CDH12: variants seen among roughly 807,000 people sequenced by gnomAD.
CDH12 encodes cadherin-12.
CDH12 carries 41 observed loss-of-function variants against 74.1 expected under a neutral mutation model. That is an observed-to-expected ratio of 0.55 (90% confidence interval 0.43 to 0.72). The LOEUF (loss-of-function observed/expected upper bound fraction) is 0.72, where lower values mean the gene tolerates loss of function less well. Among genes scored for constraint, CDH12 ranks in the 30% least tolerant of loss-of-function variants. The pLI is 0.00. For synonymous variants in CDH12, 399 were observed against 355.0 expected (o/e 1.12, Z -1.39); for missense variants, 945 against 977.2 (o/e 0.97, Z 0.44).
intron 6 of CDH12, among the ~76,000 whole-genome samples, chr5:21,966,076 C>T (rs959366182): frequency 1.1e-4 from 16 of 151,646 alleles, no homozygotes; most frequent in African/African-American, 2.9e-4. Context: ...TCTGATTTCA[C>T]GCTGATACAT....
At position 22,615,564 on chromosome 5, in the gene CDH12, C is replaced by CTT. The variant is rs1326203601; in HGVS notation, c.-522-110202_-522-110201dup. ...TCTTCAAGATCCCTGTCAAATGAAA[C>CTT]TTGTATCTTTGTAAGATTTAAAGGG... On this transcript the variant is annotated intron_variant, in intron 1 of 14. Transcript: ENST00000382254. Among the ~76,000 whole-genome samples, 4 of 151,954 alleles carry CTT rather than the reference C, an allele frequency of 2.6e-5. No homozygotes were observed. In the East Asian group the frequency reaches 7.7e-4, roughly 29 times the overall value.
intron 6 of CDH12, among the ~76,000 whole-genome samples, chr5:21,953,238 A>G (rs1755944957): frequency 6.6e-6 from 1 of 152,162 alleles, no homozygotes; most frequent in Admixed American, 6.5e-5. Context: ...GACTTTAGAC[A>G]ATAGCATAAC....
intron 1 of CDH12, among the ~76,000 whole-genome samples, chr5:22,720,834 C>T (rs1296439274): frequency 2.0e-5 from 3 of 152,166 alleles, no homozygotes; most frequent in African/African-American, 7.2e-5. Flanking sequence ...AGACTGGTGG[C>T]ATTTTGCCCT....
At chr5:22,448,085 G>A (rs975856145) in intron 2 of CDH12, among the ~76,000 whole-genome samples, 32 of 148,810 alleles carry the variant, frequency 2.2e-4, no homozygotes, top group African/African-American at 7.2e-4. Flanking sequence ...CCCAAGAGGC[G>A]AAGGTTGCAG....
At chr5:22,478,219 C>G (rs1026618335) in intron 2 of CDH12, among the ~76,000 whole-genome samples, 2 of 151,774 alleles carry the variant, frequency 1.3e-5, no homozygotes, top group African/African-American at 2.4e-5. Flanking sequence ...GAGATCGAGA[C>G]CATCCTGGCT....
intron 2 of CDH12, among the ~76,000 whole-genome samples, chr5:22,405,632 C>A (rs1742910263): frequency 6.6e-6 from 1 of 152,106 alleles, no homozygotes. Context: ...ATGGTTTAAA[C>A]AATAAATTTA....
intron 3 of CDH12, among the ~76,000 whole-genome samples, chr5:22,247,680 AAG>A (rs1752999987): frequency 6.6e-6 from 1 of 151,472 alleles, no homozygotes; most frequent in Non-Finnish European, 1.5e-5. Context: ...GTCAAAAAAA[AAG>A]AAAAGAAAAG....
intron 1 of CDH12, among the ~76,000 whole-genome samples, chr5:22,642,146 T>A (rs2126871924): frequency 6.6e-6 from 1 of 152,358 alleles, no homozygotes; most frequent in East Asian, 1.9e-4. Flanking sequence ...TAATTTCAAA[T>A]ACTTTTCGAC....
intron 1 of CDH12, among the ~76,000 whole-genome samples, chr5:22,630,706 C>G (rs990887489): frequency 6.6e-6 from 1 of 152,046 alleles, no homozygotes; most frequent in African/African-American, 2.4e-5. Context: ...CTAGGAAATG[C>G]CATTCTGGAC....
chr5:21,834,554 A>G (rs1196390294), intron 8 of CDH12, among the ~76,000 whole-genome samples: 1 of 151,930 alleles, frequency 6.6e-6, no homozygotes, highest in East Asian at 1.9e-4. Context: ...TTACTTAAAC[A>G]TTAGTAGAAA....
intron 4 of CDH12, among the ~76,000 whole-genome samples, chr5:22,207,936 G>T (rs1346533179): frequency 6.6e-6 from 1 of 152,164 alleles, no homozygotes; most frequent in African/African-American, 2.4e-5. Context: ...ATCATTTTCT[G>T]AGGACCTGAG....
At chr5:22,216,842 A>G (rs771808999) in intron 3 of CDH12, among the ~76,000 whole-genome samples, 1 of 151,918 alleles carries the variant, frequency 6.6e-6, no homozygotes, top group African/African-American at 2.4e-5. Flanking sequence ...AGCAGTGAGT[A>G]GTTTTCTAAC....
At chr5:22,527,547 T>A (rs1737343998) in intron 1 of CDH12, among the ~76,000 whole-genome samples, 1 of 152,110 alleles carries the variant, frequency 6.6e-6, no homozygotes, top group Admixed American at 6.6e-5. Flanking sequence ...GGTAACCACA[T>A]CCACATTGAC....
At chr5:22,504,408 T>C (rs773378619) in intron 2 of CDH12, among the ~76,000 whole-genome samples, 4 of 152,072 alleles carry the variant, frequency 2.6e-5, no homozygotes, top group Admixed American at 2.6e-4. Flanking sequence ...TTCAGAAATA[T>C]GGGCATGCAC....
intron 5 of CDH12, among the ~76,000 whole-genome samples, chr5:21,990,580 CCTTT>C (rs1239510008): frequency 1.3e-5 from 2 of 151,892 alleles, no homozygotes; most frequent in Non-Finnish European, 2.9e-5. Context: ...TAGCAATATT[CCTTT>C]CTATTTATAT....
chr5:22,534,369 A>G (rs1737731460), intron 1 of CDH12, among the ~76,000 whole-genome samples: 2 of 152,070 alleles, frequency 1.3e-5, no homozygotes, highest in Non-Finnish European at 2.9e-5. Flanking sequence ...ACTTCCCCTG[A>G]GTCCCCAAAG....
At chr5:21,915,926 G>C (rs1754071755) in intron 6 of CDH12, among the ~76,000 whole-genome samples, 1 of 135,266 alleles carries the variant, frequency 7.4e-6, no homozygotes, top group African/African-American at 2.6e-5. Context: ...AGACCTAGAG[G>C]GAGGGGTAGA....
At chr5:22,671,165 G>A (rs1246365421) in intron 1 of CDH12, among the ~76,000 whole-genome samples, 1 of 151,864 alleles carries the variant, frequency 6.6e-6, no homozygotes, top group African/African-American at 2.4e-5. Flanking sequence ...TCACTAGTTT[G>A]GACATACTAA....
At chr5:21,760,973 G>T (rs138417694) in intron 12 of CDH12, among the ~76,000 whole-genome samples, 284 of 152,188 alleles carry the variant, frequency 1.9e-3, no homozygotes, top group African/African-American at 4.9e-3. Flanking sequence ...AAATGTACTT[G>T]CTTGCATTTT....
Sources: gnomAD v4.1 joint callset for allele counts (sites outside exome capture counted in the v4.1 genomes callset) on GRCh38, gnomAD v4.1.1 for gene constraint, MANE v1.5 for transcripts, NCBI Gene and HGNC (gene_info 2026-07-23, HGNC 2026-07-21) for gene names.